The following EPB41L4A variants were observed in gnomAD, a reference collection of about 807,000 sequenced individuals.
EPB41L4A encodes the protein band 4.1-like protein 4A.
Under a neutral mutation model 108.6 loss-of-function variants are expected in EPB41L4A, and 100 were observed. The observed-to-expected ratio is 0.92, with a 90% CI of 0.78 to 1.09. The LOEUF is 1.09. Among genes scored for constraint, EPB41L4A ranks in the 50% least tolerant of loss-of-function variants. EPB41L4A has a pLI of 0.00. For missense variants in EPB41L4A, 1,030 were observed against 842.7 expected (o/e 1.22, Z -2.75); for synonymous variants, 319 against 289.0 (o/e 1.10, Z -1.05).
chr5:112,218,345 G>C (rs1747804638), intron 12 of EPB41L4A, among the ~76,000 whole-genome samples: 1 of 152,200 alleles, frequency 6.6e-6, no homozygotes. Context: ...CTGGAATCAA[G>C]AGGTGTCACG....
chr5:112,323,853 T>G (rs1580686644), intron 1 of EPB41L4A, among the ~76,000 whole-genome samples: 2 of 152,124 alleles, frequency 1.3e-5, no homozygotes, highest in Non-Finnish European at 2.9e-5. Flanking sequence ...AGTGGATTTA[T>G]AGAGGAAAAA....
intron 18 of EPB41L4A, among the ~76,000 whole-genome samples, chr5:112,176,453 G>C (rs1760867051): frequency 6.6e-6 from 1 of 152,060 alleles, no homozygotes. Context: ...GAGAAATCTT[G>C]ATTCTCTCCC....
At chr5:112,230,003 A>T (rs1459465752) in intron 12 of EPB41L4A, among the ~76,000 whole-genome samples, 1 of 151,802 alleles carries the variant, frequency 6.6e-6, no homozygotes, top group African/African-American at 2.4e-5. Context: ...AAAAAAAAAA[A>T]AGAATAATGG....
chr5:112,205,254 A>T (rs1762416680), intron 14 of EPB41L4A, among the ~76,000 whole-genome samples, 167 bp downstream of exon 14: 1 of 137,428 alleles, frequency 7.3e-6, no homozygotes, highest in African/African-American at 2.7e-5. Flanking sequence ...TTTCCACTTC[A>T]GAAATCCCAG....
intron 2 of EPB41L4A, among the ~76,000 whole-genome samples, chr5:112,285,279 T>G (rs1413905016): frequency 6.6e-6 from 1 of 152,142 alleles, no homozygotes; most frequent in Non-Finnish European, 1.5e-5. Flanking sequence ...AACCTCTTGA[T>G]CTAAGAGAGT....
intron 12 of EPB41L4A, among the ~76,000 whole-genome samples, chr5:112,212,288 G>GTTTTTT (rs747980822): frequency 7.2e-6 from 1 of 139,824 alleles, no homozygotes. Context: ...ACCATTAGTT[G>GTTTTTT]TTTTTGTTTT....
intron 18 of EPB41L4A, among the ~76,000 whole-genome samples, chr5:112,183,115 T>G (rs1469055759): frequency 6.6e-6 from 1 of 152,108 alleles, no homozygotes; most frequent in Non-Finnish European, 1.5e-5. Context: ...AACCCCCCGG[T>G]ACACTCCAGA....
intron 2 of EPB41L4A, among the ~76,000 whole-genome samples, chr5:112,293,903 G>T (rs982899616): frequency 6.6e-6 from 1 of 152,152 alleles, no homozygotes; most frequent in South Asian, 2.1e-4. Context: ...ATTAAACACT[G>T]TTTAACCAAG....
chr5:112,157,842 G>C (rs1460321285), downstream of EPB41L4A, among the ~76,000 whole-genome samples: 2 of 152,186 alleles, frequency 1.3e-5, no homozygotes, highest in Non-Finnish European at 2.9e-5. Flanking sequence ...TCCACACAGG[G>C]AAACCCAGGT....
chr5:112,245,688 A>G (rs1191854805), intron 9 of EPB41L4A, among the ~76,000 whole-genome samples: 1 of 152,196 alleles, frequency 6.6e-6, no homozygotes, highest in African/African-American at 2.4e-5. Flanking sequence ...GTCCCATGGG[A>G]CACCTAGAGG....
At chr5:112,195,596 C>A in intron 16 of EPB41L4A, 65 bp downstream of exon 16, 4 of 1,379,264 alleles carry the variant, frequency 2.9e-6, no homozygotes, top group Non-Finnish European at 4.1e-6. Context: ...TTCCTTAACT[C>A]TGAGCATTTC....
At chr5:112,339,932 G>T (rs1026899469) in intron 1 of EPB41L4A, among the ~76,000 whole-genome samples, 4 of 151,968 alleles carry the variant, frequency 2.6e-5, no homozygotes, top group Non-Finnish European at 4.4e-5. Context: ...TCACTCTCTG[G>T]GCTCACAGAT....
At chr5:112,294,480 A>T (rs1165145014) in intron 2 of EPB41L4A, among the ~76,000 whole-genome samples, 1 of 152,222 alleles carries the variant, frequency 6.6e-6, no homozygotes, top group African/African-American at 2.4e-5. Flanking sequence ...GTATTATTCA[A>T]TAGACACAAA....
chr5:112,382,132 C>T (rs1262837267), intron 1 of EPB41L4A, among the ~76,000 whole-genome samples: 2 of 152,180 alleles, frequency 1.3e-5, no homozygotes, highest in Non-Finnish European at 2.9e-5. Flanking sequence ...ACTTAACATC[C>T]ATTCTGGCTT....
At chr5:112,290,288 A>T (rs1753562554) in intron 2 of EPB41L4A, among the ~76,000 whole-genome samples, 1 of 152,136 alleles carries the variant, frequency 6.6e-6, no homozygotes, top group Non-Finnish European at 1.5e-5. Context: ...GATTCTAGGG[A>T]CCTACTATTA....
At chr5:112,351,745 A>T (rs1222250341) in intron 1 of EPB41L4A, among the ~76,000 whole-genome samples, 1 of 152,202 alleles carries the variant, frequency 6.6e-6, no homozygotes, top group Non-Finnish European at 1.5e-5. Flanking sequence ...AAAATCCCGA[A>T]CAAAAGACTA....
chr5:112,418,420 G>T (rs1170435004), intron 1 of EPB41L4A, among the ~76,000 whole-genome samples: 1 of 152,194 alleles, frequency 6.6e-6, no homozygotes, highest in African/African-American at 2.4e-5. Context: ...GGTCGCTGTA[G>T]AAAGGGAAAA....
At chr5:112,287,543 G>T (rs1753369982) in intron 2 of EPB41L4A, among the ~76,000 whole-genome samples, 1 of 152,148 alleles carries the variant, frequency 6.6e-6, no homozygotes, top group Non-Finnish European at 1.5e-5. Context: ...TTTCAACACG[G>T]ATCAAATCAG....
chr5:112,360,199 G>A (rs1758628957), intron 1 of EPB41L4A, among the ~76,000 whole-genome samples: 1 of 152,160 alleles, frequency 6.6e-6, no homozygotes, highest in East Asian at 1.9e-4. Context: ...GAGGCAGGAG[G>A]ATCACTTGAG....
Sources: allele counts gnomAD v4.1 joint callset (sites outside exome capture counted in the v4.1 genomes callset), GRCh38; gene constraint gnomAD v4.1.1; transcripts MANE v1.5; gene names NCBI Gene and HGNC (gene_info 2026-07-23, HGNC 2026-07-21).